Variants in KCNK10 observed in about 807,000 individuals in gnomAD.
The protein encoded by KCNK10 is potassium channel subfamily K member 10.
In KCNK10, 25 loss-of-function variants were observed where a neutral mutation model predicts 47.7. That is an observed-to-expected ratio of 0.52 (90% CI 0.38 to 0.73). The LOEUF (loss-of-function observed/expected upper bound fraction) is 0.73. Among genes scored for constraint, KCNK10 ranks in the 30% least tolerant of loss-of-function variants. The pLI is 0.00. For synonymous variants in KCNK10, 303 were observed against 285.6 expected (o/e 1.06, Z -0.61); for missense variants, 563 against 714.5 (o/e 0.79, Z 2.42).
At chr14:88,280,532 T>A (rs931310365) in intron 1 of KCNK10, among the ~76,000 whole-genome samples, 2 of 152,176 alleles carry the variant, frequency 1.3e-5, no homozygotes, top group Non-Finnish European at 2.9e-5. Flanking sequence ...CTATTGAGTT[T>A]CATTTGGATA....
rs775433993 is a variant in KCNK10 at position 88,192,407 on chromosome 14, T to C, written c.685A>G (p.Lys229Glu). The C allele has an allele frequency of 1.2e-6, 2 of 1,613,292 alleles. No homozygotes were observed. The highest frequency in any genetic ancestry group is 8.5e-7 in the Non-Finnish European group (1 of 1,179,678). ...CGGATCTTGGTCTGACTCACTTGCTTTTTCTAGGAAGAGCAAAGGAGAAAG... is the reference window on the plus strand; with the variant it reads ...CGGATCTTGGTCTGACTCACTTGCTCTTTCTAGGAAGAGCAAAGGAGAAAG... Reference protein sequence around the residue: ...IARVEKVFRKKQVSQTKIRVI... With the variant: ...IARVEKVFRKEQVSQTKIRVI... The change falls in exon 5 of 7, where the codon AAG becomes GAG. Residue 229 changes from lysine (K) to glutamate (E), a missense_variant. Physicochemically the swap from Lys to Glu is moderately conservative, Grantham distance 56. Coordinates refer to ENST00000319231, the MANE Select transcript of KCNK10 (RefSeq NM_138317.3).
Position 88,227,538 on chromosome 14 carries a change from G to C in KCNK10, c.521-3C>G. ...GCTCGGAGCAATATTCCCATACCCT[G>C]GTGAGAAATATGAAAAAGAGGGAGA... On this transcript the variant is annotated splice_polypyrimidine_tract_variant and splice_region_variant and intron_variant, in intron 3 of 6. Coordinates refer to ENST00000319231, the MANE Select transcript of KCNK10 (RefSeq NM_138317.3). 1 of 1,582,338 alleles carries C rather than the reference G, an allele frequency of 6.3e-7. No individual in the cohort carries two copies. The highest frequency in any genetic ancestry group is 1.2e-5 in the South Asian group (1 of 85,178).
chr14:88,232,448 C>T (rs546589367), intron 3 of KCNK10, among the ~76,000 whole-genome samples: 4 of 152,076 alleles, frequency 2.6e-5, no homozygotes, highest in Non-Finnish European at 5.9e-5. Context: ...ATAAACCTTG[C>T]GACCACATGC....
In KCNK10 at chr14:88,263,484, C is replaced by T; in HGVS notation, c.120G>A (p.Pro40=). The change falls in exon 2 of 7, where the codon CCG becomes CCA. Residue 40 remains proline (P), a synonymous_variant. Coordinates refer to ENST00000319231, the MANE Select transcript of KCNK10 (RefSeq NM_138317.3). ...ACAGGCGCGGAGTTGGAGTCGGAGC[C>T]GGAGCCGGGGGTTGCCCGTTAGTGG... ...KSATNGQPPA[P]APTPTPRLSI... The T allele has an allele frequency of 1.2e-6, 2 of 1,613,896 alleles. No individual in the cohort carries two copies. Among genetic ancestry groups the T allele is most frequent in the East Asian group, 2.2e-5 (1 of 44,882 alleles).
At chr14:88,222,618 T>C (rs974267128) in intron 4 of KCNK10, among the ~76,000 whole-genome samples, 2 of 152,162 alleles carry the variant, frequency 1.3e-5, no homozygotes, top group African/African-American at 4.8e-5. Context: ...GGGATGTTGA[T>C]AATGAGGGAG....
At chr14:88,272,186 C>T (rs999787496) in intron 1 of KCNK10, among the ~76,000 whole-genome samples, 2 of 152,170 alleles carry the variant, frequency 1.3e-5, no homozygotes, top group Non-Finnish European at 2.9e-5. Flanking sequence ...GAAGATTTAA[C>T]ATAAAATGTA....
chr14:88,210,168 A>G (rs1885408429), intron 4 of KCNK10, among the ~76,000 whole-genome samples: 2 of 152,192 alleles, frequency 1.3e-5, no homozygotes, highest in African/African-American at 2.4e-5. Flanking sequence ...TTCAAATAAG[A>G]AAACTGAGGC....
intron 1 of KCNK10, among the ~76,000 whole-genome samples, chr14:88,276,220 G>A (rs1887524037): frequency 7.1e-6 from 1 of 140,556 alleles, no homozygotes; most frequent in Non-Finnish European, 1.5e-5. Context: ...TAGATGGTGA[G>A]GGCTGAGCCC....
chr14:88,231,312 C>T (rs1307717080), intron 3 of KCNK10, among the ~76,000 whole-genome samples: 2 of 143,100 alleles, frequency 1.4e-5, no homozygotes, highest in African/African-American at 5.3e-5. Flanking sequence ...AAATAAACAT[C>T]CAATCCAGTG....
intron 4 of KCNK10, among the ~76,000 whole-genome samples, chr14:88,219,902 C>T (rs1885742779): frequency 6.6e-6 from 1 of 152,198 alleles, no homozygotes; most frequent in South Asian, 2.1e-4. Context: ...TTGAGAATCA[C>T]TGGTCCATTA....
rs2139809810 is a variant in KCNK10 at position 88,322,440 on chromosome 14, C to G, written c.52+307G>C. Among the ~76,000 whole-genome samples the G allele has an allele frequency of 6.6e-6, 1 of 151,586 alleles. No homozygotes were observed. Among genetic ancestry groups the G allele is most frequent in the South Asian group, 2.1e-4 (1 of 4,764 alleles). On this transcript the variant is annotated intron_variant, in intron 1 of 6. Coordinates refer to ENST00000319231, the MANE Select transcript of KCNK10 (RefSeq NM_138317.3). The surrounding 1 kb of genome is among the most constrained non-coding windows in gnomAD (Gnocchi z 4.8). ...ACACACACACACACACACACACACA[C>G]TCGCACACTCAAAGTCAAAAGCAAA...
intron 2 of KCNK10, among the ~76,000 whole-genome samples, chr14:88,257,369 C>T (rs1247560082): frequency 6.6e-6 from 1 of 152,230 alleles, no homozygotes; most frequent in Non-Finnish European, 1.5e-5. Flanking sequence ...TTTCCACGTA[C>T]TCTCATACTT....
chr14:88,276,389 C>T (rs1380824372), intron 1 of KCNK10, among the ~76,000 whole-genome samples: 3 of 152,036 alleles, frequency 2.0e-5, no homozygotes, highest in Non-Finnish European at 4.4e-5. Flanking sequence ...TTCCCAGCCT[C>T]CAGAACCATG....
intron 5 of KCNK10, among the ~76,000 whole-genome samples, chr14:88,190,411 G>A (rs1884707303): frequency 6.6e-6 from 1 of 152,150 alleles, no homozygotes; most frequent in Non-Finnish European, 1.5e-5. Flanking sequence ...GTTTTCCCAC[G>A]GACCGGCTAC....
intron 1 of KCNK10, among the ~76,000 whole-genome samples, chr14:88,316,280 A>G (rs1476352039): frequency 6.6e-6 from 1 of 151,978 alleles, no homozygotes; most frequent in Non-Finnish European, 1.5e-5. Context: ...GTCAGGTTTC[A>G]TTTTCAATTC....
At position 88,322,361 on chromosome 14, in the gene KCNK10, A is replaced by G. The variant is rs1888564827; in HGVS notation, c.52+386T>C. ...CGGCGCAGCTCCAGGTCCAGGGGGA[A>G]GCACCCCACCCATCTGCCAGAGAGA... is the stretch of plus-strand genomic sequence containing the variant. On this transcript the variant is annotated intron_variant, in intron 1 of 6. Transcript: ENST00000319231. This position sits in a 1 kb window ranked among gnomAD's most constrained non-coding sequence, Gnocchi z 4.8. Among the ~76,000 whole-genome samples, 1 of 151,898 alleles carries G rather than the reference A, an allele frequency of 6.6e-6. No individual in the cohort carries two copies. Among genetic ancestry groups the G allele is most frequent in the Non-Finnish European group, 1.5e-5 (1 of 67,976 alleles).
chr14:88,309,296 G>C (rs1472323240), intron 1 of KCNK10, among the ~76,000 whole-genome samples: 1 of 152,168 alleles, frequency 6.6e-6, no homozygotes, highest in African/African-American at 2.4e-5. Context: ...CCATAGGAGG[G>C]AGAATAGCAA....
intron 4 of KCNK10, among the ~76,000 whole-genome samples, chr14:88,215,750 G>C (rs1294513208): frequency 6.6e-6 from 1 of 152,194 alleles, no homozygotes; most frequent in African/African-American, 2.4e-5. Context: ...AAAAGAGAGA[G>C]AGAGAGACAG....
At chr14:88,221,835 A>G (rs1595088948) in intron 4 of KCNK10, among the ~76,000 whole-genome samples, 1 of 152,240 alleles carries the variant, frequency 6.6e-6, no homozygotes, top group Admixed American at 6.5e-5. Flanking sequence ...TACATAAACT[A>G]TGGTACACCC....
Sources: allele counts gnomAD v4.1 joint callset (sites outside exome capture counted in the v4.1 genomes callset), GRCh38; gene constraint gnomAD v4.1.1; non-coding constraint Gnocchi (gnomAD v3.1); transcripts MANE v1.5; gene names NCBI Gene and HGNC (gene_info 2026-07-23, HGNC 2026-07-21).